The following TENM4 variants were observed in gnomAD, a reference collection of about 807,000 sequenced individuals.
TENM4 encodes teneurin transmembrane protein 4.
A neutral mutation model predicts 243.3 loss-of-function variants in TENM4; 82 were observed. That is an observed-to-expected ratio of 0.34 (90% CI 0.28 to 0.40). The LOEUF (loss-of-function observed/expected upper bound fraction) is 0.40. Ranked by LOEUF, TENM4 falls within the 10% of genes least tolerant of loss-of-function variation. TENM4 has a pLI of 1.00. For synonymous variants in TENM4, 1,412 were observed against 1,456.3 expected, an observed-to-expected ratio of 0.97 and a Z score of 0.69; for missense variants, 3,138 against 3,673.3, an observed-to-expected ratio of 0.85 and a Z score of 3.77.
At chr11:78,853,326 C>T (rs1224510392) in intron 12 of TENM4, among the ~76,000 whole-genome samples, 1 of 152,182 alleles carries the variant, frequency 6.6e-6, no homozygotes, top group African/African-American at 2.4e-5. Flanking sequence ...CCACTGTGTC[C>T]TGCAGCACAT....
In TENM4 at chr11:79,432,510, C is replaced by A. The variant is rs115854875; in HGVS notation, c.-321+7999G>T. The stretch of plus-strand genomic sequence containing the variant: ...CCTTTCACTGTGGACCTCATCAATA[C>A]AAGCCCTTCACATTTAAAAGTTTTT... On this transcript the variant is annotated intron_variant, in intron 1 of 33. Coordinates refer to ENST00000278550, the MANE Select transcript of TENM4 (RefSeq NM_001098816.3). Among the ~76,000 whole-genome samples the A allele has an allele frequency of 2.5e-3, 387 of 152,320 alleles. 3 individuals carry two copies. The highest frequency in any genetic ancestry group is 8.9e-3 in the African/African-American group (369 of 41,562).
chr11:79,321,662 A>AAAAAAAAAAAAAAAAAG (rs1565298550), intron 1 of TENM4, among the ~76,000 whole-genome samples: 1 of 145,946 alleles, frequency 6.9e-6, no homozygotes. Context: ...AAAAAAAAAA[A>AAAAAAAAAAAAAAAAAG]AAGGGAGAGA....
intron 15 of TENM4, among the ~76,000 whole-genome samples, chr11:78,790,540 G>T (rs1346765538): frequency 6.6e-6 from 1 of 152,238 alleles, no homozygotes; most frequent in African/African-American, 2.4e-5. Flanking sequence ...CAACAAGGCT[G>T]TGAAAATGCC....
chr11:79,111,776 A>T (rs1861513907), intron 4 of TENM4, among the ~76,000 whole-genome samples: 1 of 152,108 alleles, frequency 6.6e-6, no homozygotes, highest in Admixed American at 6.5e-5. Flanking sequence ...CTCAAATATG[A>T]TGTGGCAGCA....
intron 1 of TENM4, among the ~76,000 whole-genome samples, chr11:79,303,496 G>A (rs1856581542): frequency 6.6e-6 from 1 of 152,188 alleles, no homozygotes; most frequent in African/African-American, 2.4e-5. Context: ...TAACAATGAA[G>A]TATTTACTGT....
At chr11:79,427,982 A>G (rs1025823043) in intron 1 of TENM4, among the ~76,000 whole-genome samples, 96 of 152,232 alleles carry the variant, frequency 6.3e-4, no homozygotes, top group Non-Finnish European at 8.8e-5. Flanking sequence ...GACAGATTCC[A>G]TTCACTCAAT....
At position 78,949,996 on chromosome 11, in the gene TENM4, C is replaced by CG. The variant is rs916401320; in HGVS notation, c.494-46474dup. On this transcript the variant is annotated intron_variant, in intron 6 of 33. Coordinates refer to ENST00000278550, the MANE Select transcript of TENM4 (RefSeq NM_001098816.3). Reference sequence around the variant, plus strand: ...CAGTGTTCCCCTTTGGTTGGCGGGGCGGGGGGTGCATCAATGGATGATGAG... The same window carrying CG: ...CAGTGTTCCCCTTTGGTTGGCGGGGCGGGGGGGTGCATCAATGGATGATGAG... 9.2e-5 allele frequency among the ~76,000 whole-genome samples: 14 copies of CG among 151,574 alleles called. No homozygotes were observed. In the East Asian group the frequency reaches 1.2e-3, roughly 13 times the overall value.
intron 29 of TENM4, 113 bp from the exon 30 acceptor site, chr11:78,676,500 G>A: frequency 2.8e-6 from 2 of 726,984 alleles, no homozygotes; most frequent in Non-Finnish European, 2.1e-6. Flanking sequence ...AACTATGAAA[G>A]CAATACATCA....
chr11:79,365,719 G>C (rs999080749), intron 1 of TENM4, among the ~76,000 whole-genome samples: 1 of 152,172 alleles, frequency 6.6e-6, no homozygotes, highest in Non-Finnish European at 1.5e-5. Flanking sequence ...CAGGCACAGA[G>C]GGAAGCAGGA....
chr11:79,008,731 A>G (rs901838489), intron 6 of TENM4, among the ~76,000 whole-genome samples: 2 of 152,142 alleles, frequency 1.3e-5, no homozygotes, highest in African/African-American at 2.4e-5. Flanking sequence ...GGTAACATAA[A>G]GCTTTGGTCC....
chr11:78,800,774 G>C (rs1397922925), intron 15 of TENM4, among the ~76,000 whole-genome samples: 1 of 150,050 alleles, frequency 6.7e-6, no homozygotes, highest in Non-Finnish European at 1.5e-5. Flanking sequence ...AGATTGATTA[G>C]AATACATCAG....
chr11:79,079,732 G>A (rs1860617949), intron 4 of TENM4, among the ~76,000 whole-genome samples: 1 of 151,580 alleles, frequency 6.6e-6, no homozygotes, highest in African/African-American at 2.4e-5. Context: ...AGGAGGCTGA[G>A]GCATGAGAAT....
intron 1 of TENM4, among the ~76,000 whole-genome samples, chr11:79,352,899 G>C (rs1373252590): frequency 6.6e-6 from 1 of 152,158 alleles, no homozygotes; most frequent in Non-Finnish European, 1.5e-5. Flanking sequence ...AAGGCAGTGT[G>C]AGGGAAAGAG....
At chr11:78,829,088 A>T (rs1857920323) in intron 12 of TENM4, among the ~76,000 whole-genome samples, 1 of 152,200 alleles carries the variant, frequency 6.6e-6, no homozygotes, top group Non-Finnish European at 1.5e-5. Flanking sequence ...CTCAAGCACT[A>T]GACTGCAGCC....
chr11:79,138,332 A>ATATAT (rs1862156482), intron 4 of TENM4, among the ~76,000 whole-genome samples: 1 of 75,984 alleles, frequency 1.3e-5, no homozygotes, highest in Admixed American at 1.4e-4. Context: ...TATATATATT[A>ATATAT]TATATATAAT....
intron 2 of TENM4, among the ~76,000 whole-genome samples, chr11:79,240,903 C>T (rs969568655): frequency 2.0e-5 from 3 of 152,110 alleles, no homozygotes; most frequent in African/African-American, 7.2e-5. Context: ...TATTAGAGTA[C>T]CACAGCACCT....
At chr11:79,398,296 G>C (rs373660361) in intron 1 of TENM4, among the ~76,000 whole-genome samples, 5 of 152,090 alleles carry the variant, frequency 3.3e-5, no homozygotes, top group African/African-American at 1.2e-4. Context: ...ATCTTCAGGA[G>C]CAGCAGACAA....
At chr11:79,354,809 A>C (rs902162696) in intron 1 of TENM4, among the ~76,000 whole-genome samples, 38 of 151,596 alleles carry the variant, frequency 2.5e-4, no homozygotes, top group African/African-American at 6.8e-4. Context: ...TAACAAACAA[A>C]CAAAAAAAGA....
At chr11:79,278,803 G>A (rs546825534) in intron 2 of TENM4, among the ~76,000 whole-genome samples, 2 of 152,124 alleles carry the variant, frequency 1.3e-5, no homozygotes, top group Non-Finnish European at 2.9e-5. Flanking sequence ...ACATGTGCAC[G>A]AGGGACAGAC....
Sources: gnomAD v4.1 joint callset for allele counts (sites outside exome capture counted in the v4.1 genomes callset) on GRCh38, gnomAD v4.1.1 for gene constraint, MANE v1.5 for transcripts, NCBI Gene and HGNC (gene_info 2026-07-23, HGNC 2026-07-21) for gene names.